The following MAPKAP1 variants were observed in gnomAD, a reference collection of about 807,000 sequenced individuals.
MAPKAP1 encodes MAPK associated protein 1, also known as target of rapamycin complex 2 subunit MAPKAP1.
In MAPKAP1, 20 loss-of-function variants were observed where a neutral mutation model predicts 65.7. The ratio of observed to expected loss-of-function variants is 0.30; its 90% CI spans 0.21 to 0.44. MAPKAP1 has a LOEUF of 0.44. Among genes scored for constraint, MAPKAP1 ranks in the 20% least tolerant of loss-of-function variants. The pLI, the probability that MAPKAP1 is intolerant of heterozygous loss-of-function variation, is 1.00. For synonymous variants in MAPKAP1, 222 were observed against 244.3 expected (o/e 0.91, Z 0.85); for missense variants, 423 against 648.0 (o/e 0.65, Z 3.77).
At chr9:125,519,470 C>T (rs1829557220) in intron 7 of MAPKAP1, among the ~76,000 whole-genome samples, 1 of 151,672 alleles carries the variant, frequency 6.6e-6, no homozygotes, top group African/African-American at 2.4e-5. Context: ...CCCGTCTCTA[C>T]AGAAAATAAA....
intron 9 of MAPKAP1, among the ~76,000 whole-genome samples, chr9:125,475,541 T>C (rs888012835): frequency 6.6e-6 from 1 of 152,170 alleles, no homozygotes; most frequent in African/African-American, 2.4e-5. Context: ...TGTACCTGAC[T>C]AGACTGTTAG....
At chr9:125,572,691 A>G (rs1055490952) in intron 5 of MAPKAP1, among the ~76,000 whole-genome samples, 1 of 152,230 alleles carries the variant, frequency 6.6e-6, no homozygotes, top group African/African-American at 2.4e-5. Flanking sequence ...TTCTGGGCAC[A>G]TTACAATCAG....
intron 5 of MAPKAP1, among the ~76,000 whole-genome samples, chr9:125,571,159 G>A (rs748735485): frequency 2.8e-4 from 42 of 152,162 alleles, no homozygotes; most frequent in Non-Finnish European, 5.3e-4. Flanking sequence ...ATTGGTATAT[G>A]TTCCAAATTA....
At chr9:125,693,414 C>CA (rs140359169) in intron 1 of MAPKAP1, among the ~76,000 whole-genome samples, 4,640 of 118,550 alleles carry the variant, frequency 0.039, 115 homozygotes, top group African/African-American at 0.077. Flanking sequence ...AATTCCGCCT[C>CA]AAAAAAAAAA....
At chr9:125,698,278 AATATATATAAATAT>A (rs1325084730) in intron 1 of MAPKAP1, among the ~76,000 whole-genome samples, 128 of 26,602 alleles carry the variant, frequency 4.8e-3, no homozygotes, top group African/African-American at 0.011. Flanking sequence ...TATAATACAT[AATATATATAAATAT>A]ATATATATAT....
chr9:125,565,130 T>C (rs1417320307), intron 5 of MAPKAP1, among the ~76,000 whole-genome samples: 1 of 152,176 alleles, frequency 6.6e-6, no homozygotes, highest in Non-Finnish European at 1.5e-5. Flanking sequence ...CTTTAATGAG[T>C]ACAACTTTCA....
At chr9:125,556,787 G>A (rs506874) in intron 6 of MAPKAP1, among the ~76,000 whole-genome samples, 75,011 of 152,030 alleles carry the variant, frequency 0.49, 19,142 homozygotes, top group East Asian at 0.66. Flanking sequence ...TTCTGCATCT[G>A]TAGGAGAAGC....
chr9:125,529,015 A>G (rs977087612), intron 7 of MAPKAP1, among the ~76,000 whole-genome samples: 3 of 151,538 alleles, frequency 2.0e-5, no homozygotes, highest in Non-Finnish European at 4.4e-5. Context: ...TACAACTAAA[A>G]ATACAAAAAT....
intron 1 of MAPKAP1, among the ~76,000 whole-genome samples, chr9:125,691,646 A>C (rs1369575440): frequency 6.6e-6 from 1 of 152,232 alleles, no homozygotes; most frequent in Non-Finnish European, 1.5e-5. Context: ...GCAATAGTTA[A>C]AGGGTAGCCT....
At chr9:125,691,667 C>CA (rs1156902888) in intron 1 of MAPKAP1, among the ~76,000 whole-genome samples, 2 of 151,320 alleles carry the variant, frequency 1.3e-5, no homozygotes, top group African/African-American at 4.9e-5. Context: ...GAAGGAAAAA[C>CA]AAAAAACAGA....
At position 125,439,299 on chromosome 9, in the gene MAPKAP1, C is replaced by T. The variant is rs1050854892; in HGVS notation, c.1444-287G>A. On this transcript the variant is annotated intron_variant, in intron 11 of 11. Coordinates refer to ENST00000265960, the MANE Select transcript of MAPKAP1 (RefSeq NM_001006617.3). The surrounding 1 kb of genome is among the most constrained non-coding windows in gnomAD (Gnocchi z 4.0). ...TTCCGGAGCCCATGCTCCCTCCTGG[C>T]GTGAGCCACTCCCGGAAGGCTGTGC... is the stretch of plus-strand genomic sequence containing the variant. 2.6e-5 allele frequency among the ~76,000 whole-genome samples: 4 copies of T among 152,252 alleles called. No homozygotes were observed. Among genetic ancestry groups the T allele is most frequent in the African/African-American group, 4.8e-5 (2 of 41,470 alleles).
At chr9:125,637,695 C>A (rs911081772) in intron 4 of MAPKAP1, among the ~76,000 whole-genome samples, 3 of 152,206 alleles carry the variant, frequency 2.0e-5, no homozygotes, top group African/African-American at 4.8e-5. Flanking sequence ...ATAAAAAAAT[C>A]TCTGGCCTAT....
At chr9:125,499,953 C>T (rs1350514754) in intron 8 of MAPKAP1, among the ~76,000 whole-genome samples, 1 of 152,062 alleles carries the variant, frequency 6.6e-6, no homozygotes, top group Non-Finnish European at 1.5e-5. Context: ...CACCACTGCA[C>T]TCCAGCCTGG....
chr9:125,571,170 T>C (rs558828822), intron 5 of MAPKAP1, among the ~76,000 whole-genome samples: 2 of 152,352 alleles, frequency 1.3e-5, no homozygotes, highest in East Asian at 1.9e-4. Flanking sequence ...TTCCAAATTA[T>C]GGGAAACTCC....
At chr9:125,591,719 C>T (rs1048402276) in intron 4 of MAPKAP1, among the ~76,000 whole-genome samples, 1 of 152,072 alleles carries the variant, frequency 6.6e-6, no homozygotes, top group Non-Finnish European at 1.5e-5. Flanking sequence ...TAGCTCTATC[C>T]TAATAGTCCC....
chr9:125,469,645 A>AT (rs1268716378), intron 9 of MAPKAP1, among the ~76,000 whole-genome samples: 1 of 152,120 alleles, frequency 6.6e-6, no homozygotes, highest in African/African-American at 2.4e-5. Context: ...AACCATTGGT[A>AT]TTTTTTACTA....
intron 1 of MAPKAP1, among the ~76,000 whole-genome samples, chr9:125,682,561 C>G (rs1475713070): frequency 6.6e-6 from 1 of 152,190 alleles, no homozygotes; most frequent in Non-Finnish European, 1.5e-5. Context: ...TCTGCCAGTT[C>G]GGTATAATGT....
intron 4 of MAPKAP1, among the ~76,000 whole-genome samples, chr9:125,636,298 A>G (rs2131698165): frequency 6.6e-6 from 1 of 152,372 alleles, no homozygotes; most frequent in East Asian, 1.9e-4. Context: ...ACATATTAAT[A>G]TACAGAAGAG....
chr9:125,586,916 A>C (rs1049528693), intron 4 of MAPKAP1, among the ~76,000 whole-genome samples: 3 of 152,186 alleles, frequency 2.0e-5, no homozygotes, highest in African/African-American at 7.2e-5. Context: ...TGCTCATCTC[A>C]ACAGTCTTGA....
Sources: gnomAD v4.1 joint callset for allele counts (sites outside exome capture counted in the v4.1 genomes callset) on GRCh38, gnomAD v4.1.1 for gene constraint, Gnocchi (gnomAD v3.1) non-coding constraint, MANE v1.5 for transcripts, NCBI Gene and HGNC (gene_info 2026-07-23, HGNC 2026-07-21) for gene names.